The following DAB1 variants were observed in gnomAD, a reference collection of about 807,000 sequenced individuals.
The protein encoded by DAB1 is DAB adaptor protein 1.
Under a neutral mutation model 64.6 loss-of-function variants are expected in DAB1, and 15 were observed. The ratio of observed to expected loss-of-function variants is 0.23; its 90% CI spans 0.16 to 0.36. DAB1 has a LOEUF of 0.36. DAB1 is among the 10% of genes least tolerant of loss of function. DAB1 has a pLI of 1.00. For synonymous variants in DAB1, 235 were observed against 251.9 expected, an observed-to-expected ratio of 0.93 and a Z score of 0.64; for missense variants, 596 against 706.7, an observed-to-expected ratio of 0.84 and a Z score of 1.78.
At chr1:57,168,180 G>A (rs1206979919) in intron 2 of DAB1, among the ~76,000 whole-genome samples, 2 of 152,196 alleles carry the variant, frequency 1.3e-5, no homozygotes, top group African/African-American at 2.4e-5. Flanking sequence ...TTCAGAGAGT[G>A]TATTCTTACG....
At chr1:58,479,963 G>A (rs912545597) in intron 3 of DAB1, among the ~76,000 whole-genome samples, 1 of 152,044 alleles carries the variant, frequency 6.6e-6, no homozygotes, top group Non-Finnish European at 1.5e-5. Context: ...AATTCTCTAA[G>A]AAAATATTTA....
At chr1:57,285,429 CTATTTTTG>C (rs1168098490) in intron 2 of DAB1, among the ~76,000 whole-genome samples, 4 of 152,156 alleles carry the variant, frequency 2.6e-5, no homozygotes, top group African/African-American at 9.6e-5. Flanking sequence ...CCACCACACC[CTATTTTTG>C]TATTTTTGTA....
chr1:57,068,025 T>C (rs573896777), intron 8 of DAB1, among the ~76,000 whole-genome samples: 4 of 152,140 alleles, frequency 2.6e-5, no homozygotes, highest in Non-Finnish European at 4.4e-5. Flanking sequence ...AGCAGGTCTT[T>C]CCAGTACACT....
intron 4 of DAB1, among the ~76,000 whole-genome samples, chr1:58,328,567 T>G (rs1662894537): frequency 6.6e-6 from 1 of 152,202 alleles, no homozygotes; most frequent in Admixed American, 6.5e-5. Context: ...TCAGGATCCC[T>G]CAAAGACTTC....
intron 7 of DAB1, among the ~76,000 whole-genome samples, chr1:57,440,920 C>T (rs1006548764): frequency 1.3e-5 from 2 of 152,010 alleles, no homozygotes; most frequent in African/African-American, 2.4e-5. Context: ...AGGTTTGTTA[C>T]GTGGGTGTAC....
At chr1:57,852,058 C>T (rs954279701) in intron 1 of DAB1, among the ~76,000 whole-genome samples, 4 of 152,226 alleles carry the variant, frequency 2.6e-5, no homozygotes, top group Non-Finnish European at 4.4e-5. Flanking sequence ...TCCTTCTGAC[C>T]TTCCCTGGCC....
At position 58,479,977 on chromosome 1, in the gene DAB1, A is replaced by C. The variant is rs762165588; in HGVS notation, n.257+26083T>G. ...TAATTCTCTAAGAAAATATTTATTT[A>C]ATATAATGTATTTCAAGAAAAATGC... On this transcript the variant is annotated intron_variant and non_coding_transcript_variant, in intron 3 of 20. Transcript: ENST00000485760. Among the ~76,000 whole-genome samples the C allele has an allele frequency of 1.7e-4, 26 of 152,220 alleles. 1 individual carries two copies. Among genetic ancestry groups the C allele is most frequent in the South Asian group, 4.1e-4 (2 of 4,834 alleles).
chr1:57,019,774 C>A (rs940824960), intron 11 of DAB1, among the ~76,000 whole-genome samples: 1 of 152,180 alleles, frequency 6.6e-6, no homozygotes, highest in African/African-American at 2.4e-5. Flanking sequence ...CCGTGAAGTT[C>A]AGAGCAATCA....
intron 6 of DAB1, among the ~76,000 whole-genome samples, chr1:57,783,835 C>A (rs1650219798): frequency 6.6e-6 from 1 of 152,146 alleles, no homozygotes. Context: ...CATATAAAAT[C>A]AACAACTTAA....
At chr1:58,199,898 G>C (rs189906594) in intron 4 of DAB1, among the ~76,000 whole-genome samples, 238 of 152,284 alleles carry the variant, frequency 1.6e-3, no homozygotes, top group African/African-American at 5.4e-3. Flanking sequence ...GTTTCTTCCA[G>C]GTTATGGCAC....
chr1:57,899,227 A>G (rs1644437953), intron 5 of DAB1, among the ~76,000 whole-genome samples: 1 of 152,154 alleles, frequency 6.6e-6, no homozygotes, highest in Non-Finnish European at 1.5e-5. Context: ...TAGAGAGCAG[A>G]TGATTTTTAA....
intron 5 of DAB1, among the ~76,000 whole-genome samples, chr1:58,097,079 G>T (rs1442067779): frequency 1.3e-5 from 2 of 152,180 alleles, no homozygotes; most frequent in Non-Finnish European, 2.9e-5. Context: ...ACAGTTATTT[G>T]TTGAGGGCCA....
chr1:57,952,189 G>C (rs1394552918), intron 5 of DAB1, among the ~76,000 whole-genome samples: 1 of 152,042 alleles, frequency 6.6e-6, no homozygotes, highest in African/African-American at 2.4e-5. Context: ...AAGAAGCACT[G>C]TTGTGGATCA....
At chr1:58,346,042 G>A (rs1465536477) in intron 3 of DAB1, among the ~76,000 whole-genome samples, 1 of 152,102 alleles carries the variant, frequency 6.6e-6, no homozygotes, top group African/African-American at 2.4e-5. Context: ...GAAAGCGATG[G>A]GACTCCATCA....
At chr1:57,751,549 T>TACTTTTAACTTTTAACTTTTA (rs1648553399) in intron 6 of DAB1, among the ~76,000 whole-genome samples, 1 of 151,920 alleles carries the variant, frequency 6.6e-6, no homozygotes, top group Admixed American at 6.6e-5. Context: ...GACTTTTAAC[T>TACTTTTAACTTTTAACTTTTA]ACAAGAGGCT....
At chr1:58,201,377 T>G (rs997859616) in intron 4 of DAB1, among the ~76,000 whole-genome samples, 1 of 152,216 alleles carries the variant, frequency 6.6e-6, no homozygotes, top group African/African-American at 2.4e-5. Context: ...TTCAGAATAC[T>G]GATCTCTGGA....
intron 2 of DAB1, among the ~76,000 whole-genome samples, chr1:57,186,965 A>G (rs1165835671): frequency 1.3e-5 from 2 of 152,054 alleles, no homozygotes; most frequent in Non-Finnish European, 2.9e-5. Flanking sequence ...TGTCATTTCT[A>G]TTTTGTCAAT....
chr1:58,140,001 C>A (rs1333815693), intron 5 of DAB1, among the ~76,000 whole-genome samples: 3 of 152,160 alleles, frequency 2.0e-5, no homozygotes, highest in African/African-American at 7.2e-5. Flanking sequence ...ATCTTGGTGT[C>A]TTTAAACAGA....
chr1:58,039,015 C>T (rs1021319170), intron 5 of DAB1, among the ~76,000 whole-genome samples: 1 of 152,102 alleles, frequency 6.6e-6, no homozygotes, highest in African/African-American at 2.4e-5. Context: ...CACTCTGCTC[C>T]CCACACCAAC....
Sources: allele counts gnomAD v4.1 joint callset (sites outside exome capture counted in the v4.1 genomes callset), GRCh38; gene constraint gnomAD v4.1.1; transcripts MANE v1.5; gene names NCBI Gene and HGNC (gene_info 2026-07-23, HGNC 2026-07-21).